Variants in RIT2 observed in about 807,000 individuals in gnomAD.
RIT2 encodes GTP-binding protein Rit2.
RIT2 carries 24 observed loss-of-function variants against 23.7 expected under a neutral mutation model. That is an observed-to-expected ratio of 1.01 (90% confidence interval 0.73 to 1.43). The LOEUF (loss-of-function observed/expected upper bound fraction) is 1.43. RIT2 is among the 40% of genes most tolerant of loss of function. The pLI is 0.00. For synonymous variants in RIT2, 107 were observed against 91.1 expected (o/e 1.17, Z -0.99); for missense variants, 236 against 266.9 (o/e 0.88, Z 0.81).
At chr18:42,903,692 A>G (rs1908538901) in intron 4 of RIT2, among the ~76,000 whole-genome samples, 1 of 152,120 alleles carries the variant, frequency 6.6e-6, no homozygotes, top group South Asian at 2.1e-4. Context: ...AACTTTTACA[A>G]GCCTTCATGA....
chr18:42,951,335 C>A (rs2144173036), intron 3 of RIT2, among the ~76,000 whole-genome samples: 1 of 152,056 alleles, frequency 6.6e-6, no homozygotes, highest in Admixed American at 6.6e-5. Context: ...GAACAGAAAA[C>A]CAAACCATAT....
chr18:43,083,802 A>C (rs1913215704), intron 1 of RIT2, among the ~76,000 whole-genome samples: 1 of 152,334 alleles, frequency 6.6e-6, no homozygotes, highest in Middle Eastern at 3.4e-3. Context: ...CCTAAGCAAT[A>C]CCATTTAGGA....
At chr18:42,939,692 C>T (rs950790348) in intron 3 of RIT2, among the ~76,000 whole-genome samples, 1 of 152,008 alleles carries the variant, frequency 6.6e-6, no homozygotes, top group African/African-American at 2.4e-5. Flanking sequence ...AAAAAAAATG[C>T]TACTGAAGTA....
At chr18:43,017,736 C>T (rs1245631537) in intron 2 of RIT2, among the ~76,000 whole-genome samples, 1 of 151,878 alleles carries the variant, frequency 6.6e-6, no homozygotes, top group Non-Finnish European at 1.5e-5. Context: ...TTATTATTTC[C>T]ATTTTTCATT....
intron 1 of RIT2, among the ~76,000 whole-genome samples, chr18:43,040,316 C>T (rs934666085): frequency 3.3e-5 from 5 of 152,264 alleles, no homozygotes; most frequent in South Asian, 2.1e-4. Flanking sequence ...TGTATAAGAA[C>T]GCTATTTCCT....
At chr18:42,864,676 T>A (rs1907421596) in intron 4 of RIT2, among the ~76,000 whole-genome samples, 1 of 152,222 alleles carries the variant, frequency 6.6e-6, no homozygotes, top group Non-Finnish European at 1.5e-5. Context: ...ATTTATCCAA[T>A]GTGAAGAACC....
In RIT2 at chr18:42,961,519, C is replaced by T. The variant is rs574151574; in HGVS notation, c.234+12555G>A. On this transcript the variant is annotated intron_variant, in intron 3 of 4. Coordinates refer to ENST00000326695, the MANE Select transcript of RIT2 (RefSeq NM_002930.4). ...TATCCTCTGATAACTGGCTTTCACT[C>T]GTAACCACACATTTCTCTGAACTAG... Among the ~76,000 whole-genome samples, 132 of 152,278 alleles carry T rather than the reference C, an allele frequency of 8.7e-4. 1 individual carries two copies. The South Asian group carries it at 0.026, about 30-fold the overall frequency.
chr18:42,961,441 T>C (rs1475743258), intron 3 of RIT2, among the ~76,000 whole-genome samples: 1 of 152,240 alleles, frequency 6.6e-6, no homozygotes, highest in East Asian at 1.9e-4. Context: ...ACTCAGACTG[T>C]GGACTCTTAT....
At chr18:43,056,363 A>G (rs1180798071) in intron 1 of RIT2, among the ~76,000 whole-genome samples, 2 of 152,106 alleles carry the variant, frequency 1.3e-5, no homozygotes, top group Admixed American at 1.3e-4. Context: ...ATCAAAAAAA[A>G]CGATGAAAGT....
chr18:42,847,762 C>T lies in RIT2; in HGVS notation c.426+75810G>A, dbSNP rs527246761. ...CACTTATAGTCTGCAGTATAATTTT[C>T]AGTGTTTCAAGAAGGAAGATGCAAT... On this transcript the variant is annotated intron_variant, in intron 4 of 4. Coordinates refer to ENST00000326695, the MANE Select transcript of RIT2 (RefSeq NM_002930.4). Among the ~76,000 whole-genome samples, 444 of 151,610 alleles carry T rather than the reference C, an allele frequency of 2.9e-3. 2 individuals are homozygous for T. The highest frequency in any genetic ancestry group is 0.011 in the South Asian group (52 of 4,790).
chr18:42,800,598 T>C (rs1177809943), intron 4 of RIT2, among the ~76,000 whole-genome samples: 2 of 150,428 alleles, frequency 1.3e-5, no homozygotes, highest in African/African-American at 2.4e-5. Context: ...TGGCGCCATC[T>C]GGCTCACTGC....
chr18:42,998,737 A>G (rs1250235585), intron 2 of RIT2, among the ~76,000 whole-genome samples: 5 of 152,042 alleles, frequency 3.3e-5, no homozygotes, highest in South Asian at 2.1e-4. Flanking sequence ...TGGGCTCCCA[A>G]TTTTGCCAAG....
intron 2 of RIT2, among the ~76,000 whole-genome samples, chr18:43,023,283 C>T (rs368271217): frequency 8.0e-4 from 121 of 152,126 alleles, no homozygotes; most frequent in Non-Finnish European, 1.5e-3. Flanking sequence ...ATCATAAGTG[C>T]TTTGAGTAAT....
intron 3 of RIT2, among the ~76,000 whole-genome samples, chr18:42,959,568 C>T (rs770498132): frequency 6.6e-6 from 1 of 152,144 alleles, no homozygotes; most frequent in African/African-American, 2.4e-5. Context: ...GACTTCCATT[C>T]AATTTTGAAA....
intron 1 of RIT2, among the ~76,000 whole-genome samples, chr18:43,083,704 C>A (rs543151049): frequency 6.6e-6 from 1 of 152,258 alleles, no homozygotes; most frequent in South Asian, 2.1e-4. Flanking sequence ...AAACTGGACC[C>A]CTTCTTTGCA....
chr18:42,908,351 G>C (rs1908678546), intron 4 of RIT2, among the ~76,000 whole-genome samples: 1 of 152,118 alleles, frequency 6.6e-6, no homozygotes, highest in African/African-American at 2.4e-5. Flanking sequence ...TGATGAAGAA[G>C]AGAAATGGAG....
chr18:43,037,125 A>G (rs1041142171), intron 1 of RIT2, among the ~76,000 whole-genome samples: 1 of 152,214 alleles, frequency 6.6e-6, no homozygotes, highest in South Asian at 2.1e-4. Context: ...TAAAAATCTA[A>G]TAACAATGGT....
intron 1 of RIT2, among the ~76,000 whole-genome samples, chr18:43,077,235 T>A (rs897403806): frequency 4.6e-5 from 7 of 152,092 alleles, no homozygotes; most frequent in African/African-American, 1.7e-4. Context: ...AAAATGTGCC[T>A]GAGTGTTTTC....
intron 4 of RIT2, among the ~76,000 whole-genome samples, chr18:42,882,167 C>A (rs139737878): frequency 2.6e-5 from 4 of 152,118 alleles, no homozygotes. Context: ...ACAGGCTTAA[C>A]GGATTAGTAT....
Sources: gnomAD v4.1 joint callset for allele counts (sites outside exome capture counted in the v4.1 genomes callset) on GRCh38, gnomAD v4.1.1 for gene constraint, MANE v1.5 for transcripts, NCBI Gene and HGNC (gene_info 2026-07-23, HGNC 2026-07-21) for gene names.